PLCG2: variants seen among roughly 807,000 people sequenced by gnomAD.
The protein encoded by PLCG2 is 1-phosphatidylinositol 4,5-bisphosphate phosphodiesterase gamma-2.
In PLCG2, 69 loss-of-function variants were observed where a neutral mutation model predicts 175.6. That is an observed-to-expected ratio of 0.39 (90% CI 0.32 to 0.48). PLCG2 has a LOEUF of 0.48. PLCG2 is among the 20% of genes least tolerant of loss of function. The pLI, the probability that PLCG2 is intolerant of heterozygous loss-of-function variation, is 0.91. For missense variants in PLCG2, 1,798 were observed against 1,650.9 expected, an observed-to-expected ratio of 1.09 and a Z score of -1.54; for synonymous variants, 827 against 624.0, an observed-to-expected ratio of 1.33 and a Z score of -4.85.
At chr16:81,779,008 C>G (rs1261420175), upstream of PLCG2, among the ~76,000 whole-genome samples, 1 of 152,150 alleles carries the variant, frequency 6.6e-6, no homozygotes, top group African/African-American at 2.4e-5. Flanking sequence ...GGCCGGCTCT[C>G]CAGGAATGCC....
At chr16:81,773,386 A>AT (rs1279646922) in intron 2 of PLCG2, among the ~76,000 whole-genome samples, 1 of 152,192 alleles carries the variant, frequency 6.6e-6, no homozygotes, top group Non-Finnish European at 1.5e-5. Flanking sequence ...GACTCCAGAC[A>AT]TGAGAACGAG....
At chr16:81,829,801 C>G (rs1905189322) in intron 2 of PLCG2, among the ~76,000 whole-genome samples, 1 of 152,164 alleles carries the variant, frequency 6.6e-6, no homozygotes, top group African/African-American at 2.4e-5. Context: ...TGCTGAGTCC[C>G]TTTCTCCTTT....
Position 81,940,008 on chromosome 16 carries a change from G to C in PLCG2, c.3430G>C (p.Asp1144His). 1 of 1,614,102 alleles carries C rather than the reference G, an allele frequency of 6.2e-7. No homozygotes were observed. Among genetic ancestry groups the C allele is most frequent in the Non-Finnish European group, 8.5e-7 (1 of 1,179,926 alleles). The change falls in exon 30 of 33, where the codon GAT (aspartate) becomes CAT (histidine). Residue 1144 changes from aspartate (D) to histidine (H), a missense_variant. By Grantham distance (81) the Asp-to-His change is moderately conservative. Coordinates refer to ENST00000564138, the MANE Select transcript of PLCG2 (RefSeq NM_002661.5). The part of the protein sequence containing the change: ...FVVYEEDMFS[D>H]PNFLAHATYP... ...GGTTTATGAAGAAGATATGTTCAGCGATCCCAACTTTCTTGCTCATGCCAC... is the reference window on the plus strand; with the variant it reads ...GGTTTATGAAGAAGATATGTTCAGCCATCCCAACTTTCTTGCTCATGCCAC...
At chr16:81,802,093 C>CTTTTTTTTTTTTTCTTTTTTTTT (rs1911748670) in intron 2 of PLCG2, among the ~76,000 whole-genome samples, 1 of 40,012 alleles carries the variant, frequency 2.5e-5, no homozygotes, top group African/African-American at 9.4e-5. Context: ...TGAGTACAGT[C>CTTTTTTTTTTTTTCTTTTTTTTT]TTTTTTTTTT....
intron 1 of PLCG2, among the ~76,000 whole-genome samples, chr16:81,747,031 A>C (rs906620730): frequency 6.6e-6 from 1 of 152,206 alleles, no homozygotes; most frequent in African/African-American, 2.4e-5. Flanking sequence ...GGACACAGTG[A>C]GATGAAAGTT....
chr16:81,789,960 C>G (rs905461434), intron 2 of PLCG2, among the ~76,000 whole-genome samples: 2 of 151,864 alleles, frequency 1.3e-5, no homozygotes, highest in African/African-American at 2.4e-5. Context: ...GCCTATATTG[C>G]TTTATTAGGT....
chr16:81,795,099 C>T (rs1054083692), intron 2 of PLCG2, among the ~76,000 whole-genome samples: 3 of 152,316 alleles, frequency 2.0e-5, no homozygotes, highest in East Asian at 3.9e-4. Flanking sequence ...GTGTGTTGGG[C>T]AATGTGCTTG....
intron 2 of PLCG2, among the ~76,000 whole-genome samples, chr16:81,853,987 T>G (rs1201444294): frequency 6.6e-6 from 1 of 152,096 alleles, no homozygotes; most frequent in Non-Finnish European, 1.5e-5. Flanking sequence ...CACAGAGCAT[T>G]TGTAGCTTTT....
intron 2 of PLCG2, among the ~76,000 whole-genome samples, chr16:81,813,226 A>C (rs1904395981): frequency 6.6e-6 from 1 of 152,208 alleles, no homozygotes. Flanking sequence ...TGATAGCTTG[A>C]TGGGAATAGC....
At chr16:81,936,895 G>A (rs547897107) in intron 27 of PLCG2, among the ~76,000 whole-genome samples, 6 of 152,260 alleles carry the variant, frequency 3.9e-5, no homozygotes, top group Non-Finnish European at 5.9e-5. Context: ...TAGCCACATC[G>A]GATTCCACAG....
chr16:81,784,462 T>G (rs1253721961), intron 1 of PLCG2, among the ~76,000 whole-genome samples: 1 of 152,176 alleles, frequency 6.6e-6, no homozygotes, highest in Non-Finnish European at 1.5e-5. Context: ...TGAGCCCGGC[T>G]GGAAGCACAG....
At chr16:81,858,509 C>T (rs58159952) in intron 4 of PLCG2, among the ~76,000 whole-genome samples, 153 bp downstream of exon 4, 162 of 152,050 alleles carry the variant, frequency 1.1e-3, no homozygotes, top group African/African-American at 3.6e-3. Flanking sequence ...TGCCTAGTAG[C>T]GGTGTGGGCT....
At chr16:81,888,042 G>A (rs1010562307) in intron 9 of PLCG2, among the ~76,000 whole-genome samples, 1 of 149,766 alleles carries the variant, frequency 6.7e-6, no homozygotes, top group Admixed American at 6.7e-5. Flanking sequence ...CTGAGACTCT[G>A]CAGTTTACAA....
intron 2 of PLCG2, among the ~76,000 whole-genome samples, chr16:81,835,144 C>A (rs575714663): frequency 6.6e-6 from 1 of 152,134 alleles, no homozygotes; most frequent in African/African-American, 2.4e-5. Flanking sequence ...TGGACAAGCT[C>A]CTTGTCTGCT....
chr16:81,881,072 G>C, intron 8 of PLCG2, 119 bp downstream of exon 8: 1 of 1,008,854 alleles, frequency 9.9e-7, no homozygotes, highest in Non-Finnish European at 1.5e-6. Flanking sequence ...AAGGGGCAGG[G>C]GGCCCCTGCT....
At chr16:81,931,958 C>T (rs1597140631) in intron 25 of PLCG2, among the ~76,000 whole-genome samples, 1 of 152,224 alleles carries the variant, frequency 6.6e-6, no homozygotes, top group East Asian at 1.9e-4. Flanking sequence ...AAGGAAGTTA[C>T]TGCCTTCCTC....
intron 31 of PLCG2, among the ~76,000 whole-genome samples, chr16:81,948,212 G>T (rs1555523839): frequency 3.9e-5 from 6 of 152,128 alleles, no homozygotes; most frequent in Admixed American, 6.5e-5. Flanking sequence ...ATGTCAAATT[G>T]TTCTCTGCAA....
intron 5 of PLCG2, among the ~76,000 whole-genome samples, chr16:81,863,284 A>T (rs1411204482): frequency 6.6e-6 from 1 of 152,224 alleles, no homozygotes; most frequent in Non-Finnish European, 1.5e-5. Flanking sequence ...ACCTCATATA[A>T]GTGGACTAGC....
intron 13 of PLCG2, among the ~76,000 whole-genome samples, chr16:81,900,306 A>G (rs1909092169): frequency 6.6e-6 from 1 of 152,220 alleles, no homozygotes; most frequent in Non-Finnish European, 1.5e-5. Context: ...TGAACTTGAA[A>G]AAAAGATTAG....
Sources: gnomAD v4.1 joint callset for allele counts (sites outside exome capture counted in the v4.1 genomes callset) on GRCh38, gnomAD v4.1.1 for gene constraint, MANE v1.5 for transcripts, NCBI Gene and HGNC (gene_info 2026-07-23, HGNC 2026-07-21) for gene names.